ANKRD65: variants seen among roughly 807,000 people sequenced by gnomAD.
ANKRD65 encodes the protein ankyrin repeat domain 65.
ANKRD65 carries 26 observed loss-of-function variants against 17.2 expected under a neutral mutation model. The ratio of observed to expected loss-of-function variants is 1.51; its 90% CI spans 1.11 to 2.09. The LOEUF is 2.09. Among genes scored for constraint, ANKRD65 ranks in the 30% most tolerant of loss-of-function variants. The pLI, the probability that ANKRD65 is intolerant of heterozygous loss-of-function variation, is 0.00. For missense variants in ANKRD65, 621 were observed against 542.2 expected (o/e 1.15, Z -1.44); for synonymous variants, 311 against 272.2 (o/e 1.14, Z -1.40).
In ANKRD65 at chr1:1,420,156, C is replaced by A; in HGVS notation, c.646G>T (p.Gly216Trp). The change falls in exon 3 of 4, where the codon GGG becomes TGG. Residue 216 changes from glycine to tryptophan, a missense_variant. Gly to Trp is a radical substitution (Grantham distance 184). Coordinates refer to ENST00000537107, the MANE Select transcript of ANKRD65 (RefSeq NM_001145210.3). ...GCCAGGAGGAAGCGCAGCGCCGCCC[C>A]GCGCCCCGCAGCGGCAGCCACGAGC... ...ALLVAAAAGR[G>W]AALRFLLARG... 3 of 1,169,660 alleles carry A rather than the reference C, an allele frequency of 2.6e-6. No individual in the cohort carries two copies. Among genetic ancestry groups the A allele is most frequent in the Admixed American group, 4.5e-5 (1 of 22,068 alleles). The allele number at this position is 1,169,660 out of a possible 1,614,324, so 72.5% of individuals were successfully genotyped here.
rs1189333900 is a variant in ANKRD65 at position 1,420,456 on chromosome 1, A to G, written c.346T>C (p.Trp116Arg). Reference protein sequence around the residue: ...AGRTALHEAAWHGHSRVAELL... With the variant: ...AGRTALHEAARHGHSRVAELL... ...TCGGCCACCCGCGAGTGTCCGTGCC[A>G]GGCGGCCTCGTGCAGCGCGGTGCGC... The change falls in exon 3 of 4, where the codon TGG (tryptophan) becomes CGG (arginine). Residue 116 changes from tryptophan to arginine, a missense_variant. Transcript: ENST00000537107. The G allele has an allele frequency of 6.8e-6, 9 of 1,314,126 alleles. 1 individual carries two copies. The highest frequency in any genetic ancestry group is 8.7e-6 in the Non-Finnish European group (9 of 1,036,764). 81.4% of individuals were successfully genotyped at this position (1,314,126 alleles called of 1,614,324 possible).
At position 1,421,173 on chromosome 1, in the gene ANKRD65, G is replaced by A. The variant is rs1015793934; in HGVS notation, c.-41C>T. On this transcript the variant is annotated 5_prime_UTR_variant, in exon 1 of 4. Transcript: ENST00000537107. ...CAGGAGCTTTCTGCTCTGGCTGAGG[G>A]TCCTCTGTAGACGGGTTCTGGCCGA... is the stretch of plus-strand genomic sequence containing the variant. 74 of 657,236 alleles carry A rather than the reference G, an allele frequency of 1.1e-4. No individual in the cohort carries two copies. The highest frequency in any genetic ancestry group is 1.7e-4 in the Non-Finnish European group (65 of 384,024). The allele number at this position is 657,236 out of a possible 1,614,324, so 40.7% of individuals were successfully genotyped here.
chr1:1,420,481 C>T lies in ANKRD65; in HGVS notation c.321G>A (p.Gly107=). 7.8e-7 allele frequency: 1 copy of T among 1,274,218 alleles called. No homozygotes were observed. The highest frequency in any genetic ancestry group is 9.8e-7 in the Non-Finnish European group (1 of 1,016,776). 78.9% of individuals were successfully genotyped at this position (1,274,218 alleles called of 1,614,324 possible). Reference sequence around the variant, plus strand: ...AGGCGGCCTCGTGCAGCGCGGTGCGCCCCGCCCGGTCCACCGCGCCCACCG... The same window carrying T: ...AGGCGGCCTCGTGCAGCGCGGTGCGTCCCGCCCGGTCCACCGCGCCCACCG... ...GAPVGAVDRA[G]RTALHEAAWH... Residue 107 remains glycine, a synonymous_variant, in exon 3 of 4, where the codon GGG becomes GGA. Transcript: ENST00000537107.
chr1:1,419,921 G>C lies in ANKRD65; in HGVS notation c.750+131C>G, dbSNP rs1022226206. 7 of 1,038,490 alleles carry C rather than the reference G, an allele frequency of 6.7e-6. No homozygotes were observed. In the African/African-American group the frequency reaches 1.2e-4, roughly 17 times the overall value. 64.3% of individuals were successfully genotyped at this position (1,038,490 alleles called of 1,614,324 possible). On this transcript the variant is annotated intron_variant, in intron 3 of 3. Transcript: ENST00000537107. Reference sequence around the variant, plus strand: ...GGGGCTACACCGGAGGGGCACAGCCGGGGGCGCGCTCAGGGCCTTCGTGCC... The same window carrying C: ...GGGGCTACACCGGAGGGGCACAGCCCGGGGCGCGCTCAGGGCCTTCGTGCC...
chr1:1,419,933 A>G lies in ANKRD65; in HGVS notation c.750+119T>C. Reference sequence around the variant, plus strand: ...GAGGGGCACAGCCGGGGGCGCGCTCAGGGCCTTCGTGCCTGGACACCGTCC... The same window carrying G: ...GAGGGGCACAGCCGGGGGCGCGCTCGGGGCCTTCGTGCCTGGACACCGTCC... On this transcript the variant is annotated intron_variant, in intron 3 of 3. Coordinates refer to ENST00000537107, the MANE Select transcript of ANKRD65 (RefSeq NM_001145210.3). 3 of 1,093,496 alleles carry G rather than the reference A, an allele frequency of 2.7e-6. No individual in the cohort carries two copies. The East Asian group carries it at 1.1e-4, about 39-fold the overall frequency. The allele number at this position is 1,093,496 out of a possible 1,614,324, so 67.7% of individuals were successfully genotyped here. A position where few individuals can be genotyped will look rare whatever the true frequency, so the allele number is the denominator to read the frequency against.
Position 1,421,257 on chromosome 1 carries a change from C to T in ANKRD65, c.-125G>A. 2 of 536,074 alleles carry T rather than the reference C, an allele frequency of 3.7e-6. No individual in the cohort carries two copies. The highest frequency in any genetic ancestry group is 6.7e-6 in the Non-Finnish European group (2 of 299,470). The allele number at this position is 536,074 out of a possible 1,614,324, so 33.2% of individuals were successfully genotyped here. On this transcript the variant is annotated 5_prime_UTR_variant, in exon 1 of 4. Transcript: ENST00000537107. ...TTCTGCAGGCTTTGGGGTGGAGTGT[C>T]TGCTGCTGAAAAGCTGAATGGTGGC...
rs1460081880 is a variant in ANKRD65 at position 1,418,645 on chromosome 1, C to T, written c.*455G>A. ...CACGGCAGGGAGTTTCACAAATGTTCTTCTATACAATGTCTGGAATCTATG... is the reference window on the plus strand; with the variant it reads ...CACGGCAGGGAGTTTCACAAATGTTTTTCTATACAATGTCTGGAATCTATG... On this transcript the variant is annotated 3_prime_UTR_variant, in exon 4 of 4. Coordinates refer to ENST00000537107, the MANE Select transcript of ANKRD65 (RefSeq NM_001145210.3). The T allele has an allele frequency of 6.4e-6, 1 of 155,200 alleles. No homozygotes were observed. The highest frequency in any genetic ancestry group is 1.4e-5 in the Non-Finnish European group (1 of 70,366). 9.6% of individuals were successfully genotyped at this position (155,200 alleles called of 1,614,324 possible). A position where few individuals can be genotyped will look rare whatever the true frequency, so the allele number is the denominator to read the frequency against.
chr1:1,420,615 G>C lies in ANKRD65; in HGVS notation c.210-23C>G, dbSNP rs1454875018. ...TCCCTGAGGAGGGGGCAAGGGCGTC[G>C]GCGCGGGGGTGGACCACTGACCAGA... On this transcript the variant is annotated intron_variant, in intron 2 of 3. Coordinates refer to ENST00000537107, the MANE Select transcript of ANKRD65 (RefSeq NM_001145210.3). 3.5e-6 allele frequency: 5 copies of C among 1,416,766 alleles called. No individual in the cohort carries two copies. In the African/African-American group the frequency reaches 5.8e-5, roughly 16 times the overall value. The allele number at this position is 1,416,766 out of a possible 1,614,324, so 87.8% of individuals were successfully genotyped here. A position where few individuals can be genotyped will look rare whatever the true frequency, so the allele number is the denominator to read the frequency against.
Position 1,419,157 on chromosome 1 carries a change from C to T in ANKRD65, c.1143G>A (p.Ala381=), listed in dbSNP as rs980041588. 7.4e-5 allele frequency: 114 copies of T among 1,540,156 alleles called. No homozygotes were observed. The highest frequency in any genetic ancestry group is 6.4e-4 in the East Asian group (26 of 40,596). ...AQMPEGDLPQ[A]LPELGGGEKE... Reference sequence around the variant, plus strand: ...TCTCCCCCCCTCCAAGTTCAGGCAGCGCCTGGGGCAGGTCCCCCTCAGGCA... The same window carrying T: ...TCTCCCCCCCTCCAAGTTCAGGCAGTGCCTGGGGCAGGTCCCCCTCAGGCA... Residue 381 remains alanine (A), a synonymous_variant, in exon 4 of 4, where the codon GCG becomes GCA. Coordinates refer to ENST00000537107, the MANE Select transcript of ANKRD65 (RefSeq NM_001145210.3).
chr1:1,420,249 C>T lies in ANKRD65; in HGVS notation c.553G>A (p.Ala185Thr), dbSNP rs1645525457. ...AGCACCGCCAGCCGCCCGCCCGCGGCCGCCCAGTGCGCCGCCGTCCAGCCG... is the reference window on the plus strand; with the variant it reads ...AGCACCGCCAGCCGCCCGCCCGCGGTCGCCCAGTGCGCCGCCGTCCAGCCG... ...ARGWTAAHWA[A>T]AGGRLAVLEL... is the part of the protein sequence containing the mutation. The change falls in exon 3 of 4, where the codon GCC (alanine) becomes ACC (threonine). Residue 185 changes from alanine to threonine, a missense_variant. Ala to Thr is a moderately conservative substitution (Grantham distance 58). Coordinates refer to ENST00000537107, the MANE Select transcript of ANKRD65 (RefSeq NM_001145210.3). 2.0e-6 allele frequency: 2 copies of T among 993,038 alleles called. No homozygotes were observed. Among genetic ancestry groups the T allele is most frequent in the Non-Finnish European group, 1.2e-6 (1 of 836,904 alleles). The allele number at this position is 993,038 out of a possible 1,614,324, so 61.5% of individuals were successfully genotyped here.
chr1:1,420,405 C>T lies in ANKRD65; in HGVS notation c.397G>A (p.Ala133Thr). 3.0e-6 allele frequency: 4 copies of T among 1,320,032 alleles called. No homozygotes were observed. Among genetic ancestry groups the T allele is most frequent in the Non-Finnish European group, 3.9e-6 (4 of 1,030,706 alleles). 81.8% of individuals were successfully genotyped at this position (1,320,032 alleles called of 1,614,324 possible). A position where few individuals can be genotyped will look rare whatever the true frequency, so the allele number is the denominator to read the frequency against. The change falls in exon 3 of 4, where the codon GCG (alanine) becomes ACG (threonine). Residue 133 changes from alanine (A) to threonine (T), a missense_variant. Coordinates refer to ENST00000537107, the MANE Select transcript of ANKRD65 (RefSeq NM_001145210.3). ...AGGCCCGTCCCGGAGCGAGCCGCCG[C>T]CGAGGCCCCGCGCTGCAGCAGCAGC... is the stretch of plus-strand genomic sequence containing the variant. ...AELLLQRGAS[A>T]AARSGTGLTP...
rs889512148 is a variant in ANKRD65 at position 1,420,999 on chromosome 1, A to G, written c.7T>C (p.Ser3Pro). 6.5e-7 allele frequency: 1 copy of G among 1,550,190 alleles called. No homozygotes were observed. Among genetic ancestry groups the G allele is most frequent in the South Asian group, 1.2e-5 (1 of 84,050 alleles). ...TCCTCTCTGGGCTCAGGCCTCTGGG[A>G]GTCCATCTGGGGGGGAGCAGGGATC... is the stretch of plus-strand genomic sequence containing the variant. MD[S>P]QRPEPREEEE... The change falls in exon 2 of 4, where the codon TCC (serine) becomes CCC (proline). Residue 3 changes from serine (S) to proline (P), a missense_variant. By Grantham distance (74) the Ser-to-Pro change is moderately conservative (BLOSUM62 -1). Coordinates refer to ENST00000537107, the MANE Select transcript of ANKRD65 (RefSeq NM_001145210.3).
rs1181754725 is a variant in ANKRD65 at position 1,420,409 on chromosome 1, G to A, written c.393C>T (p.Ala131=). The change falls in exon 3 of 4, where the codon GCC becomes GCT. Residue 131 remains alanine (A), a synonymous_variant. Transcript: ENST00000537107. ...RVAELLLQRG[A]SAAARSGTGL... ...CCGTCCCGGAGCGAGCCGCCGCCGAGGCCCCGCGCTGCAGCAGCAGCTCGG... is the reference window on the plus strand; with the variant it reads ...CCGTCCCGGAGCGAGCCGCCGCCGAAGCCCCGCGCTGCAGCAGCAGCTCGG... 9 of 1,323,332 alleles carry A rather than the reference G, an allele frequency of 6.8e-6. No homozygotes were observed. The highest frequency in any genetic ancestry group is 8.7e-6 in the Non-Finnish European group (9 of 1,033,214). 82.0% of individuals were successfully genotyped at this position (1,323,332 alleles called of 1,614,324 possible). A position where few individuals can be genotyped will look rare whatever the true frequency, so the allele number is the denominator to read the frequency against.
Position 1,419,279 on chromosome 1 carries a change from G to C in ANKRD65, c.1021C>G (p.Leu341Val). 6.4e-7 allele frequency: 1 copy of C among 1,550,400 alleles called. No homozygotes were observed. The highest frequency in any genetic ancestry group is 1.4e-5 in the African/African-American group (1 of 73,184). The change falls in exon 4 of 4, where the codon CTG (leucine) becomes GTG (valine). Residue 341 changes from leucine (L) to valine (V), a missense_variant. By Grantham distance (32) the Leu-to-Val change is conservative (BLOSUM62 1). Coordinates refer to ENST00000537107, the MANE Select transcript of ANKRD65 (RefSeq NM_001145210.3). ...GGCCCATGCCCTCGCTCTGCAGCCA[G>C]GTGTAGGGGGGTCTTTCGGAGCCAG... The part of the protein sequence containing the change: ...TGWLRKTPLH[L>V]AAERGHGPTV...
rs1363509761 is a variant in ANKRD65 at position 1,420,930 on chromosome 1, C to A, written c.76G>T (p.Glu26Ter). 1 of 1,550,784 alleles carries A rather than the reference C, an allele frequency of 6.4e-7. No individual in the cohort carries two copies. ...TCTGTCCTGGTTCCCAGGGCCTCTT[C>A]GGAGTCCAGCTCCATCCACCGCAGT... ...QELRWMELDS[E>*]EALGTRTEGP... Residue 26 changes from glutamate (E) to a stop codon, truncating the protein, a stop_gained, in exon 2 of 4, where the codon GAA becomes TAA. Coordinates refer to ENST00000537107, the MANE Select transcript of ANKRD65 (RefSeq NM_001145210.3). LOFTEE classifies it high-confidence loss of function.
At chr1:1,420,646 G>GCCCTGCCCCACCCCA in intron 2 of ANKRD65, 54 bp from the exon 3 acceptor site, 2 of 532,704 alleles carry the variant, frequency 3.8e-6, no homozygotes, top group East Asian at 9.5e-5. Context: ...CCAGAACCCC[G>GCCCTGCCCCACCCCA]CCCTGCCCCA....
In ANKRD65 at chr1:1,418,615, CAG is replaced by C. The variant is rs1046414303; in HGVS notation, c.*483_*484del. ...GCATGCACCGGCGGTCAGAGAGAAA[CAG>C]AACACGGCAGGGAGTTTCACAAATG... On this transcript the variant is annotated 3_prime_UTR_variant, in exon 4 of 4. Coordinates refer to ENST00000537107, the MANE Select transcript of ANKRD65 (RefSeq NM_001145210.3). 9 of 153,102 alleles carry C rather than the reference CAG, an allele frequency of 5.9e-5. No individual in the cohort carries two copies. The South Asian group carries it at 6.2e-4, about 11-fold the overall frequency. 9.5% of individuals were successfully genotyped at this position (153,102 alleles called of 1,614,324 possible).
chr1:1,421,010 G>T lies in ANKRD65; in HGVS notation c.1-5C>A, dbSNP rs567951281. Reference sequence around the variant, plus strand: ...CTCAGGCCTCTGGGAGTCCATCTGGGGGGGAGCAGGGATCCTACATCCACT... The same window carrying T: ...CTCAGGCCTCTGGGAGTCCATCTGGTGGGGAGCAGGGATCCTACATCCACT... On this transcript the variant is annotated splice_polypyrimidine_tract_variant and splice_region_variant and intron_variant, in intron 1 of 3. Coordinates refer to ENST00000537107, the MANE Select transcript of ANKRD65 (RefSeq NM_001145210.3). 12 of 1,550,118 alleles carry T rather than the reference G, an allele frequency of 7.7e-6. No individual in the cohort carries two copies. The highest frequency in any genetic ancestry group is 5.9e-5 in the Admixed American group (3 of 50,986).
chr1:1,420,360 C>T lies in ANKRD65; in HGVS notation c.442G>A (p.Ala148Thr), dbSNP rs1386582270. 6 of 1,238,432 alleles carry T rather than the reference C, an allele frequency of 4.8e-6. No homozygotes were observed. The highest frequency in any genetic ancestry group is 2.1e-5 in the South Asian group (1 of 48,616). The allele number at this position is 1,238,432 out of a possible 1,614,324, so 76.7% of individuals were successfully genotyped here. Residue 148 changes from alanine (A) to threonine (T), a missense_variant, in exon 3 of 4, where the codon GCT becomes ACT. Coordinates refer to ENST00000537107, the MANE Select transcript of ANKRD65 (RefSeq NM_001145210.3). ...GTGLTPLHWA[A>T]ALGHTLLAAR... ...GCCAGCAGCGTGTGGCCCAGGGCAG[C>T]GGCCCAGTGCAGCGGCGTGAGGCCC...
Sources: allele counts gnomAD v4.1 joint callset, GRCh38; gene constraint gnomAD v4.1.1; transcripts MANE v1.5; gene names NCBI Gene and HGNC (gene_info 2026-07-23, HGNC 2026-07-21).